KCNT1: variants seen among roughly 807,000 people sequenced by gnomAD.
KCNT1 encodes potassium channel subfamily T member 1.
In KCNT1, 78 loss-of-function variants were observed where a neutral mutation model predicts 147.8. The ratio of observed to expected loss-of-function variants is 0.53; its 90% CI spans 0.44 to 0.64. The LOEUF is 0.64. KCNT1 is among the 30% of genes least tolerant of loss of function. KCNT1 has a pLI of 0.00. For synonymous variants in KCNT1, 867 were observed against 748.8 expected (o/e 1.16, Z -2.58); for missense variants, 1,419 against 1,750.3 (o/e 0.81, Z 3.38).
intron 2 of KCNT1, among the ~76,000 whole-genome samples, chr9:135,728,911 C>T (rs530631630): frequency 3.3e-5 from 5 of 152,188 alleles, no homozygotes; most frequent in South Asian, 2.1e-4. Context: ...ACGATTGTCA[C>T]GTGACATGGT....
At chr9:135,782,217 CA>C (rs142405974) in intron 24 of KCNT1, among the ~76,000 whole-genome samples, 1 of 152,048 alleles carries the variant, frequency 6.6e-6, no homozygotes, top group African/African-American at 2.4e-5. Context: ...AAAAACCAAG[CA>C]AAAAAATGAA....
Position 135,784,530 on chromosome 9 carries a change from G to T in KCNT1, c.2944-5G>T. ...CCCTCCCTCCCTCCCTCCCTCCCTG[G>T]CCAGTCCTTCGTGAAGGACTACATG... On this transcript the variant is annotated splice_polypyrimidine_tract_variant and splice_region_variant and intron_variant, in intron 25 of 30. Transcript: ENST00000371757. 1 of 707,694 alleles carries T rather than the reference G, an allele frequency of 1.4e-6. No homozygotes were observed. The highest frequency in any genetic ancestry group is 2.0e-6 in the Non-Finnish European group (1 of 496,708). The allele number at this position is 707,694 out of a possible 1,614,324, so 43.8% of individuals were successfully genotyped here. A position where few individuals can be genotyped will look rare whatever the true frequency, so the allele number is the denominator to read the frequency against.
chr9:135,786,675 G>A (rs1227237374), intron 29 of KCNT1, among the ~76,000 whole-genome samples, 154 bp downstream of exon 29: 1 of 152,252 alleles, frequency 6.6e-6, no homozygotes, highest in East Asian at 1.9e-4. Context: ...CCCTCTGCCT[G>A]CCTCTACTGT....
chr9:135,733,755 G>A (rs191181281), intron 2 of KCNT1, among the ~76,000 whole-genome samples: 7 of 149,152 alleles, frequency 4.7e-5, no homozygotes, highest in African/African-American at 1.7e-4. Flanking sequence ...ACCCAGATGG[G>A]TCTCAGACTG....
intron 11 of KCNT1, among the ~76,000 whole-genome samples, chr9:135,763,205 G>A (rs1200367140): frequency 4.6e-5 from 7 of 152,222 alleles, no homozygotes; most frequent in East Asian, 1.9e-4. Context: ...CAGTGATGCC[G>A]CTGACCCCAC....
intron 28 of KCNT1, chr9:135,785,741 G>A (rs191265221): frequency 1.3e-5 from 6 of 450,682 alleles, no homozygotes; most frequent in African/African-American, 5.9e-5. Context: ...GGCACCCCAC[G>A]TTCCCCAGGT....
At position 135,769,179 on chromosome 9, in the gene KCNT1, G is replaced by A. The variant is rs370336271; in HGVS notation, c.1510+242G>A. ...TGGGTGACGGTGCGTCTGGGGCAGG[G>A]CGCGTGTGCACACGTGGGTGACAGT... On this transcript the variant is annotated intron_variant, in intron 15 of 30. Transcript: ENST00000371757. Among the ~76,000 whole-genome samples, 495 of 109,002 alleles carry A rather than the reference G, an allele frequency of 4.5e-3. 7 individuals carry two copies. The highest frequency in any genetic ancestry group is 0.01 in the Middle Eastern group (2 of 200). The allele number at this position is 109,002 out of a possible 152,430, so 71.5% of individuals were successfully genotyped here. A position where few individuals can be genotyped will look rare whatever the true frequency, so the allele number is the denominator to read the frequency against.
At position 135,771,085 on chromosome 9, in the gene KCNT1, C is replaced by T. The variant is rs368777569; in HGVS notation, c.1998C>T (p.Ile666=). The T allele has an allele frequency of 6.2e-6, 10 of 1,610,760 alleles. No homozygotes were observed. Among genetic ancestry groups the T allele is most frequent in the Admixed American group, 3.4e-5 (2 of 59,696 alleles). The change falls in exon 18 of 31, where the codon ATC becomes ATT. Residue 666 remains isoleucine (I), a synonymous_variant. Coordinates refer to ENST00000371757, the MANE Select transcript of KCNT1 (RefSeq NM_020822.3). The part of the protein sequence containing the change: ...GPARLPVHSI[I]ASMGTVAMDL... ...CCCGCCTGCCCGTGCACAGCATCAT[C>T]GCCTCCATGGGTGAGCCGGGACAGG...
chr9:135,791,693 G>A (rs933071978), intron 29 of KCNT1, 104 bp from the exon 30 acceptor site: 52 of 989,978 alleles, frequency 5.3e-5, no homozygotes, highest in Admixed American at 2.2e-4. Flanking sequence ...CAGGAAGGCC[G>A]GAAAGACTCA....
At chr9:135,724,119 C>T (rs752004750) in intron 2 of KCNT1, among the ~76,000 whole-genome samples, 15 of 152,310 alleles carry the variant, frequency 9.8e-5, no homozygotes, top group Non-Finnish European at 1.8e-4. Context: ...CTGTGGGATC[C>T]AGGCTCAGAG....
At chr9:135,770,473 C>T (rs1267035725) in intron 17 of KCNT1, 26 bp downstream of exon 17, 1 of 1,595,846 alleles carries the variant, frequency 6.3e-7, no homozygotes, top group Non-Finnish European at 8.5e-7. Flanking sequence ...ATCCACAGGG[C>T]TGGCGCTCCA....
Position 135,769,996 on chromosome 9 carries a change from C to T in KCNT1, c.1560C>T (p.Asn520=). 1 of 1,557,622 alleles carries T rather than the reference C, an allele frequency of 6.4e-7. No individual in the cohort carries two copies. Among genetic ancestry groups the T allele is most frequent in the Non-Finnish European group, 8.7e-7 (1 of 1,150,914 alleles). ...GCAAGTACGCCATGCTGGCGCTGAA[C>T]TGCATCTGCCCGGCGACCTCCACCC... ...EECKYAMLAL[N]CICPATSTLI... Residue 520 remains asparagine, a synonymous_variant, in exon 16 of 31, where the codon AAC becomes AAT. Coordinates refer to ENST00000371757, the MANE Select transcript of KCNT1 (RefSeq NM_020822.3).
intron 24 of KCNT1, among the ~76,000 whole-genome samples, chr9:135,782,130 G>C (rs2131562236): frequency 6.6e-6 from 1 of 152,222 alleles, no homozygotes; most frequent in East Asian, 1.9e-4. Flanking sequence ...TTTGAACCCG[G>C]GATGCAGAGG....
intron 11 of KCNT1, among the ~76,000 whole-genome samples, chr9:135,761,336 C>T (rs1446630508): frequency 6.6e-6 from 1 of 152,198 alleles, no homozygotes; most frequent in Non-Finnish European, 1.5e-5. Flanking sequence ...GCTGGGTTCT[C>T]CCCTCTGACG....
chr9:135,749,001 G>A (rs915652181), intron 2 of KCNT1, among the ~76,000 whole-genome samples: 12 of 152,218 alleles, frequency 7.9e-5, no homozygotes, highest in African/African-American at 1.9e-4. Flanking sequence ...CCCAGGGCAC[G>A]GGCCGTTTAG....
intron 20 of KCNT1, among the ~76,000 whole-genome samples, chr9:135,775,780 T>C (rs1483018370): frequency 6.6e-6 from 1 of 152,290 alleles, no homozygotes; most frequent in South Asian, 2.1e-4. Flanking sequence ...CGGCCCGGCA[T>C]GGGTGTCTGA....
intron 10 of KCNT1, among the ~76,000 whole-genome samples, chr9:135,758,710 C>CTCCTCCA (rs1333112663): frequency 6.6e-6 from 1 of 152,224 alleles, no homozygotes; most frequent in Non-Finnish European, 1.5e-5. Context: ...AGTACACGAG[C>CTCCTCCA]AGCCCTGCAG....
chr9:135,728,207 C>T (rs757883067), intron 2 of KCNT1, among the ~76,000 whole-genome samples: 2 of 152,206 alleles, frequency 1.3e-5, no homozygotes, highest in Admixed American at 6.5e-5. Flanking sequence ...GAAGCGTAGC[C>T]TTGTGACACT....
chr9:135,739,465 G>C (rs1302373749), intron 2 of KCNT1, among the ~76,000 whole-genome samples: 3 of 147,802 alleles, frequency 2.0e-5, no homozygotes, highest in African/African-American at 7.6e-5. Context: ...ACCCTTGCCA[G>C]GACCTCCCTC....
Sources: gnomAD v4.1 joint callset for allele counts (sites outside exome capture counted in the v4.1 genomes callset) on GRCh38, gnomAD v4.1.1 for gene constraint, MANE v1.5 for transcripts, NCBI Gene and HGNC (gene_info 2026-07-23, HGNC 2026-07-21) for gene names.